The following GABRB3 variants were observed in gnomAD, a reference collection of about 807,000 sequenced individuals.
GABRB3 encodes gamma-aminobutyric acid receptor subunit beta-3.
Under a neutral mutation model 52.1 loss-of-function variants are expected in GABRB3, and 14 were observed. That is an observed-to-expected ratio of 0.27 (90% CI 0.18 to 0.42). The LOEUF is 0.42. GABRB3 is among the 10% of genes least tolerant of loss of function. The probability of loss-of-function intolerance (pLI) is 1.00; values close to 1 mark genes in which losing one functional copy is unlikely to be tolerated. For missense variants in GABRB3, 307 were observed against 609.1 expected (o/e 0.50, Z 5.22); for synonymous variants, 260 against 232.3 (o/e 1.12, Z -1.08).
chr15:26,740,150 C>T (rs1343262852), intron 3 of GABRB3, among the ~76,000 whole-genome samples: 1 of 152,176 alleles, frequency 6.6e-6, no homozygotes. Context: ...CCCACCATCC[C>T]CATCCTCACA....
intron 3 of GABRB3, among the ~76,000 whole-genome samples, chr15:26,631,552 T>C (rs773951550): frequency 2.0e-5 from 3 of 152,212 alleles, no homozygotes; most frequent in Admixed American, 6.5e-5. Flanking sequence ...AAGTTTATGA[T>C]ACAAAACCTT....
chr15:26,558,774 G>A (rs1400511761), intron 8 of GABRB3, among the ~76,000 whole-genome samples: 2 of 151,916 alleles, frequency 1.3e-5, no homozygotes, highest in East Asian at 1.9e-4. Flanking sequence ...GCGGTGGCAG[G>A]TGCCTGTGAG....
chr15:26,567,529 T>C, intron 7 of GABRB3, 52 bp downstream of exon 7: 1 of 1,575,740 alleles, frequency 6.3e-7, no homozygotes, highest in Non-Finnish European at 8.7e-7. Context: ...CTCTTAATAC[T>C]GTAATGATAC....
At chr15:26,710,344 C>G (rs144058657) in intron 3 of GABRB3, among the ~76,000 whole-genome samples, 1 of 152,200 alleles carries the variant, frequency 6.6e-6, no homozygotes, top group Non-Finnish European at 1.5e-5. Context: ...TCACTGCAAC[C>G]TCCACCTCCC....
intron 3 of GABRB3, among the ~76,000 whole-genome samples, chr15:26,673,226 C>G (rs1887954152): frequency 1.3e-5 from 2 of 152,128 alleles, no homozygotes; most frequent in South Asian, 4.1e-4. Flanking sequence ...TTCCTTCTTT[C>G]CTTCCTTTTT....
At chr15:26,674,258 T>A (rs990906342) in intron 3 of GABRB3, among the ~76,000 whole-genome samples, 1 of 151,128 alleles carries the variant, frequency 6.6e-6, no homozygotes, top group Admixed American at 6.6e-5. Context: ...AAAATTTGCC[T>A]GGCATGGTGG....
intron 4 of GABRB3, among the ~76,000 whole-genome samples, chr15:26,600,214 A>G (rs528937143): frequency 6.6e-6 from 1 of 152,048 alleles, no homozygotes; most frequent in Non-Finnish European, 1.5e-5. Context: ...CAAAAGATTT[A>G]AAAAGAATGA....
intron 3 of GABRB3, among the ~76,000 whole-genome samples, chr15:26,741,355 C>T (rs1387181216): frequency 1.3e-5 from 2 of 152,106 alleles, no homozygotes; most frequent in African/African-American, 2.4e-5. Context: ...CACTGACAGA[C>T]GAGACCCATC....
At chr15:26,590,931 T>C (rs998608987) in intron 4 of GABRB3, among the ~76,000 whole-genome samples, 2 of 152,184 alleles carry the variant, frequency 1.3e-5, no homozygotes, top group South Asian at 2.1e-4. Context: ...GCCAGCCCCA[T>C]GCTTAGGCCC....
chr15:26,740,630 C>T (rs897458975), intron 3 of GABRB3, among the ~76,000 whole-genome samples: 2 of 152,158 alleles, frequency 1.3e-5, no homozygotes, highest in Non-Finnish European at 2.9e-5. Context: ...CAGGAAGCCT[C>T]CCTGTCTCCA....
intron 3 of GABRB3, among the ~76,000 whole-genome samples, chr15:26,758,311 G>A (rs1890718352): frequency 6.6e-6 from 1 of 152,184 alleles, no homozygotes; most frequent in Non-Finnish European, 1.5e-5. Flanking sequence ...CAGGAAATTA[G>A]ATGTCAATTA....
At chr15:26,653,839 T>C (rs1010954731) in intron 3 of GABRB3, among the ~76,000 whole-genome samples, 17 of 152,216 alleles carry the variant, frequency 1.1e-4, no homozygotes, top group Non-Finnish European at 2.2e-4. Flanking sequence ...ACAGGAAGCA[T>C]GTAGAAACTG....
chr15:26,699,326 C>T (rs1416582278), intron 3 of GABRB3, among the ~76,000 whole-genome samples: 1 of 151,956 alleles, frequency 6.6e-6, no homozygotes, highest in Non-Finnish European at 1.5e-5. Context: ...TTCCAAGTAA[C>T]GTAACTGTGT....
At chr15:26,750,567 TCGGG>T (rs1213283432) in intron 3 of GABRB3, among the ~76,000 whole-genome samples, 1 of 151,816 alleles carries the variant, frequency 6.6e-6, no homozygotes, top group Non-Finnish European at 1.5e-5. Context: ...ATAATAAGAA[TCGGG>T]CAGAATACTC....
intron 3 of GABRB3, among the ~76,000 whole-genome samples, chr15:26,718,157 A>C (rs183601605): frequency 6.6e-6 from 1 of 152,384 alleles, no homozygotes; most frequent in Admixed American, 6.5e-5. Flanking sequence ...GTCAAAGGCC[A>C]GAATTGGCAA....
At chr15:26,669,106 C>A (rs1203268383) in intron 3 of GABRB3, among the ~76,000 whole-genome samples, 3 of 152,182 alleles carry the variant, frequency 2.0e-5, no homozygotes, top group African/African-American at 7.2e-5. Flanking sequence ...CTCCGTCTAT[C>A]TGTCTGTTTC....
intron 3 of GABRB3, among the ~76,000 whole-genome samples, chr15:26,747,903 T>C (rs1412446832): frequency 2.0e-5 from 3 of 151,724 alleles, no homozygotes; most frequent in Non-Finnish European, 4.4e-5. Flanking sequence ...GATAATTTAT[T>C]TTTTTATTTA....
intron 3 of GABRB3, among the ~76,000 whole-genome samples, chr15:26,675,130 C>T (rs1444677382): frequency 6.6e-6 from 1 of 152,168 alleles, no homozygotes; most frequent in South Asian, 2.1e-4. Context: ...AAATTACACT[C>T]GAGAGCTCTG....
intron 3 of GABRB3, among the ~76,000 whole-genome samples, chr15:26,652,334 A>C (rs1028096415): frequency 3.3e-5 from 5 of 152,162 alleles, no homozygotes; most frequent in Admixed American, 6.5e-5. Flanking sequence ...CCAAACTGTA[A>C]CTTAACGGCC....
Sources: gnomAD v4.1 joint callset for allele counts (sites outside exome capture counted in the v4.1 genomes callset) on GRCh38, gnomAD v4.1.1 for gene constraint, MANE v1.5 for transcripts, NCBI Gene and HGNC (gene_info 2026-07-23, HGNC 2026-07-21) for gene names.